The following KCNQ1OT1 variants were observed in gnomAD, a reference collection of about 807,000 sequenced individuals.
The protein encoded by KCNQ1OT1 is KCNQ1 antisense RNA 2 (non-protein coding).
chr11:2,625,380 C>T (rs918921779), exon 1 of KCNQ1OT1: 3 of 398,490 alleles, frequency 7.5e-6, no homozygotes, highest in African/African-American at 4.1e-5. Flanking sequence ...CTTAACCTCC[C>T]ACGTAGCTGA....
exon 1 of KCNQ1OT1, chr11:2,649,440 T>C: frequency 2.5e-6 from 1 of 398,564 alleles, no homozygotes; most frequent in Non-Finnish European, 4.4e-6. Context: ...GATGTAGTAC[T>C]CCCTTAAGCA....
chr11:2,643,834 T>C (rs965925531), exon 1 of KCNQ1OT1: 29 of 398,490 alleles, frequency 7.3e-5, no homozygotes, highest in Non-Finnish European at 9.7e-5. Context: ...TTATTTCTCC[T>C]TCATTTCTGA....
At chr11:2,631,181 C>G (rs756606156) in exon 1 of KCNQ1OT1, 5 of 398,346 alleles carry the variant, frequency 1.3e-5, no homozygotes, top group Non-Finnish European at 8.8e-6. Flanking sequence ...AACTTTCTAC[C>G]CTTTACCTCT....
chr11:2,610,877 A>T (rs1470422451), exon 1 of KCNQ1OT1: 2 of 397,446 alleles, frequency 5.0e-6, no homozygotes, highest in East Asian at 7.1e-5. Flanking sequence ...ACATAGCCTC[A>T]CCTCCCACCA....
Position 2,691,689 on chromosome 11 carries a change from C to T in KCNQ1OT1, n.8306G>A. Reference sequence around the variant, plus strand: ...ACAGAGAACCAGGTGGGGAAGGGGTCTCTCCCCATCTGTCCAGGGGAGAGG... The same window carrying T: ...ACAGAGAACCAGGTGGGGAAGGGGTTTCTCCCCATCTGTCCAGGGGAGAGG... On this transcript the variant is annotated non_coding_transcript_exon_variant, in exon 1 of 1. Transcript: ENST00000597346. The surrounding 1 kb of genome is among the most constrained non-coding windows in gnomAD (Gnocchi z 6.4). The T allele has an allele frequency of 2.5e-6, 1 of 398,582 alleles. No individual in the cohort carries two copies. Among genetic ancestry groups the T allele is most frequent in the Non-Finnish European group, 4.4e-6 (1 of 226,076 alleles). 24.7% of individuals were successfully genotyped at this position (398,582 alleles called of 1,614,324 possible).
At chr11:2,628,969 T>C (rs553698516) in exon 1 of KCNQ1OT1, 1 of 398,386 alleles carries the variant, frequency 2.5e-6, no homozygotes, top group East Asian at 3.6e-5. Flanking sequence ...GTTCCATTGG[T>C]TTATTTCTAT....
rs1849788636 is a variant in KCNQ1OT1 at position 2,653,444 on chromosome 11, A to AT, written n.46550dup. On this transcript the variant is annotated non_coding_transcript_exon_variant, in exon 1 of 1. Coordinates refer to ENST00000597346, the Ensembl canonical transcript of KCNQ1OT1. The surrounding 1 kb of genome is among the most constrained non-coding windows in gnomAD (Gnocchi z 5.3). ...AAACAAGCTTAAGCACAAAAGGGACATTTTTTGGCTCACACAGCTGGACCC... is the reference window on the plus strand; with the variant it reads ...AAACAAGCTTAAGCACAAAAGGGACATTTTTTTGGCTCACACAGCTGGACCC... 1 of 398,552 alleles carries AT rather than the reference A, an allele frequency of 2.5e-6. No individual in the cohort carries two copies. The allele number at this position is 398,552 out of a possible 1,614,324, so 24.7% of individuals were successfully genotyped here.
At position 2,677,013 on chromosome 11, in the gene KCNQ1OT1, T is replaced by C. The variant is rs1379677177; in HGVS notation, n.22982A>G. ...CAGAGTTTCATTGTGCCATGATTTA[T>C]GGAACAGATCCTCTGTTGATGGATA... is the stretch of plus-strand genomic sequence containing the variant. On this transcript the variant is annotated non_coding_transcript_exon_variant, in exon 1 of 1. Coordinates refer to ENST00000597346, the Ensembl canonical transcript of KCNQ1OT1. This position sits in a 1 kb window ranked among gnomAD's most constrained non-coding sequence, Gnocchi z 4.5. 5.0e-6 allele frequency: 2 copies of C among 398,542 alleles called. No individual in the cohort carries two copies. Among genetic ancestry groups the C allele is most frequent in the East Asian group, 3.6e-5 (1 of 28,098 alleles). 24.7% of individuals were successfully genotyped at this position (398,542 alleles called of 1,614,324 possible). A position where few individuals can be genotyped will look rare whatever the true frequency, so the allele number is the denominator to read the frequency against.
At chr11:2,692,172 G>T in exon 1 of KCNQ1OT1, 1 of 398,694 alleles carries the variant, frequency 2.5e-6, no homozygotes, top group Non-Finnish European at 4.4e-6. Flanking sequence ...TCCTTTCAGT[G>T]GCACAAGTCA....
Position 2,621,571 on chromosome 11 carries a change from T to C in KCNQ1OT1, n.78424A>G. On this transcript the variant is annotated non_coding_transcript_exon_variant, in exon 1 of 1. Coordinates refer to ENST00000597346, the Ensembl canonical transcript of KCNQ1OT1. This position sits in a 1 kb window ranked among gnomAD's most constrained non-coding sequence, Gnocchi z 5.7. ...GTTTACCACTGTGATCTCTTTGCTA[T>C]TGGTCTGTTCAGGCTTTCTATTCCT... 1 of 398,556 alleles carries C rather than the reference T, an allele frequency of 2.5e-6. No homozygotes were observed. Among genetic ancestry groups the C allele is most frequent in the Admixed American group, 4.4e-5 (1 of 22,736 alleles). The allele number at this position is 398,556 out of a possible 1,614,324, so 24.7% of individuals were successfully genotyped here. A position where few individuals can be genotyped will look rare whatever the true frequency, so the allele number is the denominator to read the frequency against.
At chr11:2,660,656 C>G in exon 1 of KCNQ1OT1, 1 of 398,634 alleles carries the variant, frequency 2.5e-6, no homozygotes, top group Non-Finnish European at 4.4e-6. Context: ...ACAGCAATGC[C>G]TCAGTTTTCA....
At chr11:2,628,373 T>G (rs536363469) in exon 1 of KCNQ1OT1, 1 of 398,564 alleles carries the variant, frequency 2.5e-6, no homozygotes, top group Non-Finnish European at 4.4e-6. Context: ...TCATTTGCAT[T>G]TCCCTGATGA....
At chr11:2,660,903 A>G (rs1185298187) in exon 1 of KCNQ1OT1, 2 of 398,560 alleles carry the variant, frequency 5.0e-6, no homozygotes, top group Admixed American at 4.4e-5. Context: ...ATAATTAAGC[A>G]GCTTAAAACT....
exon 1 of KCNQ1OT1, chr11:2,680,680 C>T (rs1850381510): frequency 2.5e-6 from 1 of 398,444 alleles, no homozygotes; most frequent in South Asian, 1.3e-4. Flanking sequence ...TCTAACTCTT[C>T]AAGAATCCCT....
chr11:2,672,436 G>A (rs573754749), exon 1 of KCNQ1OT1: 2 of 398,556 alleles, frequency 5.0e-6, no homozygotes, highest in South Asian at 2.5e-4. Context: ...CACCCCAGGG[G>A]CTCTGAAGAG....
exon 1 of KCNQ1OT1, chr11:2,699,960 G>A (rs1850766287): frequency 2.5e-6 from 1 of 398,236 alleles, no homozygotes; most frequent in Non-Finnish European, 4.4e-6. Context: ...GGAGCTCCCT[G>A]GAGGTCCGTG....
In KCNQ1OT1 at chr11:2,683,050, C is replaced by T; in HGVS notation, n.16945G>A. On this transcript the variant is annotated non_coding_transcript_exon_variant, in exon 1 of 1. Coordinates refer to ENST00000597346, the Ensembl canonical transcript of KCNQ1OT1. This position sits in a 1 kb window ranked among gnomAD's most constrained non-coding sequence, Gnocchi z 4.7. ...AGAGGTGACCTTCTCCCACTTCTTA[C>T]AGGCAAGGCTCTTGCTAGCCTGAGG... The T allele has an allele frequency of 2.5e-6, 1 of 398,738 alleles. No individual in the cohort carries two copies. Among genetic ancestry groups the T allele is most frequent in the Non-Finnish European group, 4.4e-6 (1 of 226,134 alleles). 24.7% of individuals were successfully genotyped at this position (398,738 alleles called of 1,614,324 possible). A position where few individuals can be genotyped will look rare whatever the true frequency, so the allele number is the denominator to read the frequency against.
At position 2,691,537 on chromosome 11, in the gene KCNQ1OT1, G is replaced by A. The variant is rs1359361288; in HGVS notation, n.8458C>T. 3 of 398,556 alleles carry A rather than the reference G, an allele frequency of 7.5e-6. No homozygotes were observed. 24.7% of individuals were successfully genotyped at this position (398,556 alleles called of 1,614,324 possible). On this transcript the variant is annotated non_coding_transcript_exon_variant, in exon 1 of 1. Transcript: ENST00000597346. This position sits in a 1 kb window ranked among gnomAD's most constrained non-coding sequence, Gnocchi z 6.4. ...CTTGGCTTTGCATTAAAGTTGGGGG[G>A]ATTTCTCTATCCTGAGGTTATGAAA...
Position 2,612,296 on chromosome 11 carries a change from A to C in KCNQ1OT1, n.87699T>G. ...AGCATGTGAGGGATCTAGGTTGTGC[A>C]CTCCGTATGAGAATCTAACTAAAGC... On this transcript the variant is annotated non_coding_transcript_exon_variant, in exon 1 of 1. Transcript: ENST00000597346. The surrounding 1 kb of genome is among the most constrained non-coding windows in gnomAD (Gnocchi z 5.5). 1 of 398,600 alleles carries C rather than the reference A, an allele frequency of 2.5e-6. No homozygotes were observed. The highest frequency in any genetic ancestry group is 4.4e-6 in the Non-Finnish European group (1 of 226,078). 24.7% of individuals were successfully genotyped at this position (398,600 alleles called of 1,614,324 possible). A position where few individuals can be genotyped will look rare whatever the true frequency, so the allele number is the denominator to read the frequency against.
Sources: gnomAD v4.1 joint callset for allele counts on GRCh38, gnomAD v4.1.1 for gene constraint, Gnocchi (gnomAD v3.1) non-coding constraint, MANE v1.5 for transcripts, NCBI Gene and HGNC (gene_info 2026-07-23, HGNC 2026-07-21) for gene names.